Variants in SLC52A1 observed in about 807,000 individuals in gnomAD.
SLC52A1 encodes the protein solute carrier family 52 member 1.
A neutral mutation model predicts 23.2 loss-of-function variants in SLC52A1; 20 were observed. That is an observed-to-expected ratio of 0.86 (90% CI 0.61 to 1.25). The LOEUF is 1.25. Ranked by LOEUF, SLC52A1 falls within the 50% of genes most tolerant of loss-of-function variation. SLC52A1 has a pLI of 0.00. For synonymous variants in SLC52A1, 260 were observed against 256.6 expected (o/e 1.01, Z -0.13); for missense variants, 528 against 557.0 (o/e 0.95, Z 0.52).
upstream of SLC52A1, among the ~76,000 whole-genome samples, chr17:5,038,108 CG>C (rs1254043860): frequency 2.6e-5 from 4 of 151,398 alleles, no homozygotes; most frequent in African/African-American, 9.7e-5. Flanking sequence ...TTAGTAGAGA[CG>C]GGGTTTCACC....
At chr17:5,034,814 G>A in intron 1 of SLC52A1, 47 bp downstream of exon 1, 1 of 479,650 alleles carries the variant, frequency 2.1e-6, no homozygotes, top group East Asian at 4.2e-5. Context: ...CAACTGGAGG[G>A]AGAGGTGGCC....
At chr17:5,037,243 G>A (rs558275976), upstream of SLC52A1, among the ~76,000 whole-genome samples, 2 of 152,304 alleles carry the variant, frequency 1.3e-5, no homozygotes, top group Admixed American at 6.5e-5. Flanking sequence ...CGGTAGGCCA[G>A]GCGTGGTGGC....
chr17:5,037,850 C>T (rs1975491161), upstream of SLC52A1, among the ~76,000 whole-genome samples: 1 of 151,668 alleles, frequency 6.6e-6, no homozygotes, highest in African/African-American at 2.4e-5. Context: ...CAATAATACC[C>T]TAAAATCTGT....
At position 5,033,399 on chromosome 17, in the gene SLC52A1, CAG is replaced by C. The variant is rs1975366922; in HGVS notation, c.1011-17_1011-16del. 6.2e-7 allele frequency: 1 copy of C among 1,614,020 alleles called. No homozygotes were observed. Among genetic ancestry groups the C allele is most frequent in the Non-Finnish European group, 8.5e-7 (1 of 1,179,958 alleles). ...CTGCCAGGGACCTGTTGGGGATGAG[CAG>C]AGACTCAGGGCTGGCTGTTCTGGGA... On this transcript the variant is annotated splice_polypyrimidine_tract_variant and intron_variant, in intron 3 of 4. Coordinates refer to ENST00000254853, the MANE Select transcript of SLC52A1 (RefSeq NM_017986.4).
upstream of SLC52A1, among the ~76,000 whole-genome samples, chr17:5,038,919 A>G (rs1310496667): frequency 6.6e-6 from 1 of 152,182 alleles, no homozygotes; most frequent in Non-Finnish European, 1.5e-5. Context: ...TATGCCAGGT[A>G]CTGGCATAAA....
chr17:5,042,260 C>T (rs1003763496), intron 1 of SLC52A1, among the ~76,000 whole-genome samples: 4 of 152,148 alleles, frequency 2.6e-5, no homozygotes, highest in African/African-American at 9.7e-5. Flanking sequence ...AACTGTTGTG[C>T]AGGGGATAAA....
rs1597874279 is a variant in SLC52A1 at position 5,032,818 on chromosome 17, A to G, written c.*139T>C. The G allele has an allele frequency of 6.4e-6, 5 of 781,700 alleles. No individual in the cohort carries two copies. The highest frequency in any genetic ancestry group is 2.9e-4 in the Middle Eastern group (1 of 3,484). 48.4% of individuals were successfully genotyped at this position (781,700 alleles called of 1,614,324 possible). A position where few individuals can be genotyped will look rare whatever the true frequency, so the allele number is the denominator to read the frequency against. On this transcript the variant is annotated 3_prime_UTR_variant, in exon 5 of 5. Transcript: ENST00000254853. ...GTGCCCACCCTGGCCTCACATGCCA[A>G]CGTCTTCTGTGGAGTGTGCAGGTGT... is the stretch of plus-strand genomic sequence containing the variant.
upstream of SLC52A1, among the ~76,000 whole-genome samples, chr17:5,037,258 G>A (rs1183817887): frequency 1.3e-5 from 2 of 152,156 alleles, no homozygotes; most frequent in African/African-American, 4.8e-5. Context: ...GGTGGCTCAC[G>A]CCTGTAATCC....
chr17:5,036,563 C>T (rs991090695), upstream of SLC52A1, among the ~76,000 whole-genome samples: 9 of 151,850 alleles, frequency 5.9e-5, no homozygotes, highest in Admixed American at 2.6e-4. Context: ...AGACGCCTGC[C>T]ACCACGCCTG....
chr17:5,040,090 A>G (rs866763127), upstream of SLC52A1, among the ~76,000 whole-genome samples: 1 of 152,154 alleles, frequency 6.6e-6, no homozygotes, highest in African/African-American at 2.4e-5. Context: ...TGAGGGATGG[A>G]TACTTGAAGT....
upstream of SLC52A1, among the ~76,000 whole-genome samples, chr17:5,036,712 C>T (rs770655899): frequency 1.2e-4 from 19 of 152,032 alleles, no homozygotes; most frequent in Non-Finnish European, 2.6e-4. Context: ...ATGTCTGGCC[C>T]TTTAATGATA....
chr17:5,037,859 G>GTTTC (rs1225411952), upstream of SLC52A1, among the ~76,000 whole-genome samples: 1 of 145,482 alleles, frequency 6.9e-6, no homozygotes, highest in Non-Finnish European at 1.5e-5. Context: ...CCTAAAATCT[G>GTTTC]TTTCTTTCTT....
chr17:5,033,543 C>T lies in SLC52A1; in HGVS notation c.946G>A (p.Ala316Thr). 6.2e-7 allele frequency: 1 copy of T among 1,613,812 alleles called. No homozygotes were observed. The highest frequency in any genetic ancestry group is 8.5e-7 in the Non-Finnish European group (1 of 1,179,976). ...LPYGRLAYHL[A>T]VVLGSAANPL... Reference sequence around the variant, plus strand: ...TTGGCGGCACTGCCCAGCACCACAGCCAGGTGGTAGGCCAGGCGCCCATAG... The same window carrying T: ...TTGGCGGCACTGCCCAGCACCACAGTCAGGTGGTAGGCCAGGCGCCCATAG... Residue 316 changes from alanine (A) to threonine (T), a missense_variant, in exon 3 of 5, where the codon GCT becomes ACT. Coordinates refer to ENST00000254853, the MANE Select transcript of SLC52A1 (RefSeq NM_017986.4).
rs765312194 is a variant in SLC52A1 at position 5,033,161 on chromosome 17, C to T, written c.1143G>A (p.Ser381=). 7 of 1,613,440 alleles carry T rather than the reference C, an allele frequency of 4.3e-6. No individual in the cohort carries two copies. The highest frequency in any genetic ancestry group is 3.3e-5 in the South Asian group (3 of 91,080). Residue 381 remains serine, a synonymous_variant, in exon 5 of 5, where the codon TCG becomes TCA. Transcript: ENST00000254853. ...AGAACACACACAGACACAGCACCCACGACAGCACCTGCAAGGGAGGACACA... is the reference window on the plus strand; with the variant it reads ...AGAACACACACAGACACAGCACCCATGACAGCACCTGCAAGGGAGGACACA... ...TTAGVVLVVL[S]WVLCLCVFSY...
upstream of SLC52A1, among the ~76,000 whole-genome samples, chr17:5,038,857 C>A (rs528133530): frequency 1.3e-5 from 2 of 151,816 alleles, no homozygotes; most frequent in Admixed American, 1.3e-4. Flanking sequence ...CAAACTGTTG[C>A]GATTACAGGC....
Position 5,033,370 on chromosome 17 carries a change from A to G in SLC52A1, c.1025T>C (p.Leu342Pro). The change falls in exon 4 of 5, where the codon CTG becomes CCG. Residue 342 changes from leucine (L) to proline (P), a missense_variant. Transcript: ENST00000254853. Reference sequence around the variant, plus strand: ...CATGCCCAGCAGAGAAAGACCAACCAGCCCTGCCAGGGACCTGTTGGGGAT... The same window carrying G: ...CATGCCCAGCAGAGAAAGACCAACCGGCCCTGCCAGGGACCTGTTGGGGAT... ...MGVLCRSLAGLVGLSLLGMLF... is the reference protein window; with the variant it reads ...MGVLCRSLAGPVGLSLLGMLF... 2 of 1,614,062 alleles carry G rather than the reference A, an allele frequency of 1.2e-6. No homozygotes were observed.
At chr17:5,038,558 A>G (rs1975504000), upstream of SLC52A1, among the ~76,000 whole-genome samples, 1 of 152,054 alleles carries the variant, frequency 6.6e-6, no homozygotes, top group Non-Finnish European at 1.5e-5. Flanking sequence ...CTCCAAGAGG[A>G]TGAGAAAAGA....
rs776499536 is a variant in SLC52A1, at chr17:5,034,331, A to G, written c.158T>C (p.Val53Ala). Reference protein sequence around the residue: ...EGWSLPSYLSVVVALGNLGLL... With the variant: ...EGWSLPSYLSAVVALGNLGLL... Reference sequence around the variant, plus strand: ...ACCCAGGTTTCCCAGCGCCACAACCACAGAGAGGTATGAGGGGAGGCTCCA... The same window carrying G: ...ACCCAGGTTTCCCAGCGCCACAACCGCAGAGAGGTATGAGGGGAGGCTCCA... Residue 53 changes from valine to alanine, a missense_variant, in exon 3 of 5, where the codon GTG becomes GCG. By Grantham distance (64) the Val-to-Ala change is moderately conservative (BLOSUM62 0). Coordinates refer to ENST00000254853, the MANE Select transcript of SLC52A1 (RefSeq NM_017986.4). 9 of 1,587,122 alleles carry G rather than the reference A, an allele frequency of 5.7e-6. No homozygotes were observed. The highest frequency in any genetic ancestry group is 5.1e-6 in the Non-Finnish European group (6 of 1,166,688).
In SLC52A1 at chr17:5,032,861, T is replaced by G; in HGVS notation, c.*96A>C. Reference sequence around the variant, plus strand: ...GCAGGTGTCCATGAGCGTTCCTGTGTTGGGGGAAGCCTGCCTGGGCCACAA... The same window carrying G: ...GCAGGTGTCCATGAGCGTTCCTGTGGTGGGGGAAGCCTGCCTGGGCCACAA... On this transcript the variant is annotated 3_prime_UTR_variant, in exon 5 of 5. Transcript: ENST00000254853. 4.3e-6 allele frequency: 5 copies of G among 1,150,380 alleles called. No homozygotes were observed. Among genetic ancestry groups the G allele is most frequent in the Non-Finnish European group, 6.3e-6 (5 of 795,136 alleles). The allele number at this position is 1,150,380 out of a possible 1,614,324, so 71.3% of individuals were successfully genotyped here.
Sources: allele counts gnomAD v4.1 joint callset (sites outside exome capture counted in the v4.1 genomes callset), GRCh38; gene constraint gnomAD v4.1.1; transcripts MANE v1.5; gene names NCBI Gene and HGNC (gene_info 2026-07-23, HGNC 2026-07-21).